IMMP2L: variants seen among roughly 807,000 people sequenced by gnomAD.
IMMP2L encodes mitochondrial inner membrane protease subunit 2.
In IMMP2L, 18 loss-of-function variants were observed where a neutral mutation model predicts 19.3. The observed-to-expected ratio is 0.93, with a 90% CI of 0.64 to 1.38. The LOEUF is 1.38. Ranked by LOEUF, IMMP2L falls within the 40% of genes most tolerant of loss-of-function variation. IMMP2L has a pLI of 0.00. For missense variants in IMMP2L, 233 were observed against 218.2 expected (o/e 1.07, Z -0.43); for synonymous variants, 76 against 73.0 (o/e 1.04, Z -0.21).
At position 110,728,108 on chromosome 7, in the gene IMMP2L, TA is replaced by T. The variant is rs1796020238; in HGVS notation, c.409-64388del. Among the ~76,000 whole-genome samples, 1 of 152,228 alleles carries T rather than the reference TA, an allele frequency of 6.6e-6. No homozygotes were observed. The highest frequency in any genetic ancestry group is 1.5e-5 in the Non-Finnish European group (1 of 68,048). ...TCATAATGTTGATGGGAAGATTAAA[TA>T]ATATGCAAAGGCATTTAATTTAATG... On this transcript the variant is annotated intron_variant, in intron 5 of 5. Coordinates refer to ENST00000405709, the MANE Select transcript of IMMP2L (RefSeq NM_032549.4). The surrounding 1 kb of genome is among the most constrained non-coding windows in gnomAD (Gnocchi z 4.6).
rs117745397 is a variant in IMMP2L, at chr7:110,796,374, A to G, written c.408+90219T>C. Among the ~76,000 whole-genome samples the G allele has an allele frequency of 7.4e-3, 1,128 of 152,176 alleles. 12 individuals carry two copies. Among genetic ancestry groups the G allele is most frequent in the Non-Finnish European group, 0.012 (782 of 67,978 alleles). On this transcript the variant is annotated intron_variant, in intron 5 of 5. Transcript: ENST00000405709. ...GAGTTCAAGGCAGAAATAGAACTCT[A>G]TCTTCTTGCTTCCTCGCCCAGTGCC...
At chr7:111,055,656 C>T (rs545217497) in intron 3 of IMMP2L, among the ~76,000 whole-genome samples, 2 of 152,292 alleles carry the variant, frequency 1.3e-5, no homozygotes, top group South Asian at 2.1e-4. Context: ...TCTGCAGAAG[C>T]TTAATTGCTG....
intron 3 of IMMP2L, among the ~76,000 whole-genome samples, chr7:111,282,968 C>A (rs1454626223): frequency 6.6e-6 from 1 of 152,114 alleles, no homozygotes; most frequent in African/African-American, 2.4e-5. Context: ...ATACTATAAA[C>A]AACTAATCTA....
At chr7:111,344,284 C>T (rs1040336682) in intron 3 of IMMP2L, among the ~76,000 whole-genome samples, 3 of 152,130 alleles carry the variant, frequency 2.0e-5, no homozygotes, top group Admixed American at 2.0e-4. Flanking sequence ...TGCAACATGC[C>T]AAGTTTTTTC....
chr7:111,390,628 T>C (rs1156653420), intron 3 of IMMP2L: 1 of 152,148 alleles, frequency 6.6e-6, no homozygotes, highest in Non-Finnish European at 1.5e-5. Context: ...TAGCCAAATA[T>C]AAAAGATAAT....
At chr7:111,222,205 T>C (rs915612889) in intron 3 of IMMP2L, among the ~76,000 whole-genome samples, 1 of 152,034 alleles carries the variant, frequency 6.6e-6, no homozygotes, top group African/African-American at 2.4e-5. Context: ...TCTGTAATCC[T>C]ACCTCAATTC....
At chr7:111,485,321 C>T (rs983057088) in intron 3 of IMMP2L, among the ~76,000 whole-genome samples, 6 of 151,732 alleles carry the variant, frequency 4.0e-5, no homozygotes, top group African/African-American at 9.7e-5. Context: ...CAGTTCAGGC[C>T]GGGCGCAGTG....
At chr7:111,008,112 C>CT (rs1824509636) in intron 3 of IMMP2L, among the ~76,000 whole-genome samples, 1 of 151,968 alleles carries the variant, frequency 6.6e-6, no homozygotes, top group Admixed American at 6.6e-5. Flanking sequence ...CCTCCAAATG[C>CT]TTTTTCCTAT....
In IMMP2L at chr7:111,493,471, G is replaced by A. The variant is rs546986097; in HGVS notation, c.136-6130C>T. On this transcript the variant is annotated intron_variant, in intron 2 of 5. Transcript: ENST00000405709. ...TAATCCCAGCACTTTGGGAGGCCAA[G>A]GTGGGTGGATCACGAGGTCAGGAGA... 1.3e-4 allele frequency among the ~76,000 whole-genome samples: 20 copies of A among 152,194 alleles called. No individual in the cohort carries two copies. In the South Asian group the frequency reaches 2.1e-3, roughly 16 times the overall value.
intron 3 of IMMP2L, among the ~76,000 whole-genome samples, chr7:111,208,701 G>A (rs1436027165): frequency 6.6e-6 from 1 of 152,120 alleles, no homozygotes; most frequent in Non-Finnish European, 1.5e-5. Flanking sequence ...CGGATGGGAG[G>A]CTGGGCATAG....
At chr7:111,073,164 C>T (rs7781715) in intron 3 of IMMP2L, among the ~76,000 whole-genome samples, 21,406 of 152,106 alleles carry the variant, frequency 0.14, 2,278 homozygotes, top group African/African-American at 0.29. Flanking sequence ...ATCTGCAATG[C>T]ACTTTCAAAT....
At chr7:111,442,497 T>C (rs1406509351) in intron 3 of IMMP2L, among the ~76,000 whole-genome samples, 2 of 151,746 alleles carry the variant, frequency 1.3e-5, no homozygotes, top group African/African-American at 4.9e-5. Context: ...ATATAAACTT[T>C]CATCAATGCC....
intron 5 of IMMP2L, among the ~76,000 whole-genome samples, chr7:110,884,970 G>A (rs917511255): frequency 1.3e-5 from 2 of 151,820 alleles, no homozygotes; most frequent in Non-Finnish European, 2.9e-5. Context: ...AGTCAAAGTG[G>A]CTGCTCCATT....
chr7:111,518,180 A>C (rs997128468), intron 2 of IMMP2L, among the ~76,000 whole-genome samples: 4 of 152,130 alleles, frequency 2.6e-5, no homozygotes, highest in African/African-American at 7.2e-5. Context: ...AGTAGTGTTT[A>C]AAAAGTAAAT....
intron 5 of IMMP2L, among the ~76,000 whole-genome samples, chr7:110,857,450 A>C (rs2131568696): frequency 6.6e-6 from 1 of 152,212 alleles, no homozygotes; most frequent in East Asian, 1.9e-4. Flanking sequence ...TCCTAAGAAA[A>C]ATTTGACTAA....
chr7:110,828,951 A>G (rs1428722782), intron 5 of IMMP2L, among the ~76,000 whole-genome samples: 1 of 152,180 alleles, frequency 6.6e-6, no homozygotes, highest in Non-Finnish European at 1.5e-5. Context: ...GTGCCTTCTA[A>G]GTCTTCGTAG....
At chr7:111,482,021 A>G (rs1179573473) in intron 3 of IMMP2L, among the ~76,000 whole-genome samples, 1 of 152,220 alleles carries the variant, frequency 6.6e-6, no homozygotes, top group African/African-American at 2.4e-5. Context: ...GCAAGACCCA[A>G]TCTCATAAAC....
chr7:111,268,582 T>C (rs1403331232), intron 3 of IMMP2L, among the ~76,000 whole-genome samples: 9 of 30,862 alleles, frequency 2.9e-4, no homozygotes, highest in African/African-American at 7.5e-4. Flanking sequence ...TTTTTTTTTT[T>C]TTTTTTTTTT....
chr7:111,345,081 A>T (rs1336257285), intron 3 of IMMP2L, among the ~76,000 whole-genome samples: 1 of 152,154 alleles, frequency 6.6e-6, no homozygotes, highest in East Asian at 1.9e-4. Context: ...AGTTTTCCTT[A>T]GAGTTTTATT....
Sources: gnomAD v4.1 joint callset for allele counts (sites outside exome capture counted in the v4.1 genomes callset) on GRCh38, gnomAD v4.1.1 for gene constraint, Gnocchi (gnomAD v3.1) non-coding constraint, MANE v1.5 for transcripts, NCBI Gene and HGNC (gene_info 2026-07-23, HGNC 2026-07-21) for gene names.